The following CCAR1 variants were observed in gnomAD, a reference collection of about 807,000 sequenced individuals.
CCAR1 encodes the protein cell division cycle and apoptosis regulator protein 1.
Under a neutral mutation model 163.8 loss-of-function variants are expected in CCAR1, and 78 were observed. That is an observed-to-expected ratio of 0.48 (90% CI 0.40 to 0.57). The LOEUF (loss-of-function observed/expected upper bound fraction) is 0.57, where lower values mean the gene tolerates loss of function less well. Ranked by LOEUF, CCAR1 falls within the 20% of genes least tolerant of loss-of-function variation. CCAR1 has a pLI of 0.00. For synonymous variants in CCAR1, 443 were observed against 460.7 expected, an observed-to-expected ratio of 0.96 and a Z score of 0.49; for missense variants, 1,019 against 1,365.2, an observed-to-expected ratio of 0.75 and a Z score of 4.00.
At chr10:68,765,822 C>T in intron 16 of CCAR1, 66 bp from the exon 17 acceptor site, 2 of 1,035,202 alleles carry the variant, frequency 1.9e-6, no homozygotes, top group Middle Eastern at 4.2e-4. Flanking sequence ...AATATATATT[C>T]ATCTTGCACA....
chr10:68,764,719 A>G (rs541740375), intron 16 of CCAR1, among the ~76,000 whole-genome samples: 40 of 152,294 alleles, frequency 2.6e-4, no homozygotes, highest in African/African-American at 6.7e-4. Flanking sequence ...TACATGATCT[A>G]TCTACCAATC....
At chr10:68,727,086 T>TTTTTTTTTTTTTTTTTTG in intron 2 of CCAR1, among the ~76,000 whole-genome samples, 1 of 148,232 alleles carries the variant, frequency 6.7e-6, no homozygotes. Context: ...TTTTTTTTTT[T>TTTTTTTTTTTTTTTTTTG]TGACAGAGTC....
chr10:68,728,578 C>G (rs918387636), intron 2 of CCAR1, among the ~76,000 whole-genome samples: 1 of 152,098 alleles, frequency 6.6e-6, no homozygotes, highest in East Asian at 1.9e-4. Flanking sequence ...TGTCTGAGAG[C>G]GGAAGAGCTG....
chr10:68,771,521 G>C (rs540996165), intron 18 of CCAR1, 76 bp downstream of exon 18: 4 of 1,313,112 alleles, frequency 3.0e-6, no homozygotes, highest in Non-Finnish European at 3.2e-6. Flanking sequence ...ATTTCCATCA[G>C]AATATTAGAT....
chr10:68,725,497 AT>A (rs914745832), intron 2 of CCAR1, among the ~76,000 whole-genome samples: 48 of 148,124 alleles, frequency 3.2e-4, no homozygotes, highest in East Asian at 7.8e-4. Flanking sequence ...TTTAGGAAGA[AT>A]TTTTTTTTTT....
intron 19 of CCAR1, among the ~76,000 whole-genome samples, chr10:68,780,420 C>A (rs1439234072): frequency 1.3e-5 from 2 of 152,274 alleles, no homozygotes; most frequent in East Asian, 3.9e-4. Flanking sequence ...ATCTCAAACT[C>A]CTGGCCTTAA....
At chr10:68,749,422 AT>A (rs1321526740) in intron 9 of CCAR1, 101 bp from the exon 10 acceptor site, 1 of 1,253,172 alleles carries the variant, frequency 8.0e-7, no homozygotes, top group Non-Finnish European at 1.1e-6. Flanking sequence ...TTAAACAAAT[AT>A]ACTGTGGATT....
In CCAR1 at chr10:68,740,440, G is replaced by C. The variant is rs1357192140; in HGVS notation, c.292-189G>C. Among the ~76,000 whole-genome samples, 3 of 152,170 alleles carry C rather than the reference G, an allele frequency of 2.0e-5. No homozygotes were observed. The East Asian group carries it at 5.8e-4, about 29-fold the overall frequency. On this transcript the variant is annotated intron_variant, in intron 4 of 24. Coordinates refer to ENST00000265872, the MANE Select transcript of CCAR1 (RefSeq NM_018237.4). The stretch of plus-strand genomic sequence containing the variant: ...AATACTGTCACTTTGGGAGGCCAAG[G>C]CAAGAGGATTGCTTGAGCTCAGGAG...
In CCAR1 at chr10:68,786,536, A is replaced by C; in HGVS notation, c.2734-10A>C. The C allele has an allele frequency of 6.5e-7, 1 of 1,548,948 alleles. No individual in the cohort carries two copies. The highest frequency in any genetic ancestry group is 8.7e-7 in the Non-Finnish European group (1 of 1,150,704). On this transcript the variant is annotated splice_polypyrimidine_tract_variant and intron_variant, in intron 20 of 24. Transcript: ENST00000265872. Reference sequence around the variant, plus strand: ...TGAATACTATGTTTTCTACTTCTCCATTTTCTTAGGAAAAAGAAAAGACTC... The same window carrying C: ...TGAATACTATGTTTTCTACTTCTCCCTTTTCTTAGGAAAAAGAAAAGACTC...
At chr10:68,746,039 A>G (rs944784692) in intron 6 of CCAR1, among the ~76,000 whole-genome samples, 39 of 137,832 alleles carry the variant, frequency 2.8e-4, no homozygotes, top group Admixed American at 5.0e-4. Flanking sequence ...GTGGTGCAAT[A>G]TTGGCTCATC....
At chr10:68,763,474 G>A (rs534775527) in intron 16 of CCAR1, among the ~76,000 whole-genome samples, 29 of 151,760 alleles carry the variant, frequency 1.9e-4, no homozygotes, top group Non-Finnish European at 4.0e-4. Context: ...TTGAGACGGA[G>A]TCTCTCTCTG....
rs1196768658 is a variant in CCAR1, at chr10:68,787,835, CAAAA to C, written c.2881-91_2881-88del. 4.6e-6 allele frequency: 6 copies of C among 1,294,690 alleles called. No individual in the cohort carries two copies. The East Asian group carries it at 7.3e-5, about 16-fold the overall frequency. The allele number at this position is 1,294,690 out of a possible 1,614,324, so 80.2% of individuals were successfully genotyped here. A position where few individuals can be genotyped will look rare whatever the true frequency, so the allele number is the denominator to read the frequency against. On this transcript the variant is annotated intron_variant, in intron 21 of 24. Transcript: ENST00000265872. ...GGGCGACAAGAGCAAGACTCTTTCT[CAAAA>C]GAAAGTGAAAATTATATCATAGTTT...
At position 68,729,508 on chromosome 10, in the gene CCAR1, A is replaced by G. The variant is rs993194277; in HGVS notation, c.73+6931A>G. On this transcript the variant is annotated intron_variant, in intron 2 of 24. Transcript: ENST00000265872. ...ATGGTCTTGATCTCCTGACCTTGTG[A>G]TCCACCCGCCTCGGCCTCCCAAAGT... Among the ~76,000 whole-genome samples the G allele has an allele frequency of 3.3e-5, 5 of 151,468 alleles. No individual in the cohort carries two copies. The East Asian group carries it at 7.8e-4, about 24-fold the overall frequency.
chr10:68,784,861 A>G (rs911947808), intron 19 of CCAR1, among the ~76,000 whole-genome samples: 1 of 150,602 alleles, frequency 6.6e-6, no homozygotes, highest in South Asian at 2.1e-4. Context: ...TAATATATGT[A>G]CTTTTTTAAG....
chr10:68,723,568 G>A (rs1461582458), intron 2 of CCAR1, among the ~76,000 whole-genome samples: 2 of 152,020 alleles, frequency 1.3e-5, no homozygotes, highest in East Asian at 1.9e-4. Context: ...AAGTAAATGG[G>A]CCGGGCGCGG....
Position 68,766,097 on chromosome 10 carries a change from A to G in CCAR1, c.2298+18A>G, listed in dbSNP as rs781684061. Reference sequence around the variant, plus strand: ...CATTTGAGGTAATGTTTTAAGTTTGAAATAAGATCCATATAAGGTCCACAC... The same window carrying G: ...CATTTGAGGTAATGTTTTAAGTTTGGAATAAGATCCATATAAGGTCCACAC... On this transcript the variant is annotated intron_variant, in intron 17 of 24. Coordinates refer to ENST00000265872, the MANE Select transcript of CCAR1 (RefSeq NM_018237.4). 2.7e-6 allele frequency: 4 copies of G among 1,504,524 alleles called. No individual in the cohort carries two copies. The highest frequency in any genetic ancestry group is 3.7e-6 in the Non-Finnish European group (4 of 1,081,452). 93.2% of individuals were successfully genotyped at this position (1,504,524 alleles called of 1,614,324 possible). A position where few individuals can be genotyped will look rare whatever the true frequency, so the allele number is the denominator to read the frequency against.
Position 68,737,055 on chromosome 10 carries a change from C to T in CCAR1, c.246+7C>T. 1.9e-6 allele frequency: 3 copies of T among 1,600,986 alleles called. No individual in the cohort carries two copies. Among genetic ancestry groups the T allele is most frequent in the Non-Finnish European group, 2.6e-6 (3 of 1,169,668 alleles). On this transcript the variant is annotated splice_region_variant and intron_variant, in intron 3 of 24. Coordinates refer to ENST00000265872, the MANE Select transcript of CCAR1 (RefSeq NM_018237.4). ...AGCAGCTGCATTACAACAGGTAAAT[C>T]TTTAATATGTCTTATTATTTGATGT...
At chr10:68,724,837 A>G (rs1033442044) in intron 2 of CCAR1, among the ~76,000 whole-genome samples, 1 of 152,100 alleles carries the variant, frequency 6.6e-6, no homozygotes, top group African/African-American at 2.4e-5. Flanking sequence ...TAGACAAAGG[A>G]AAAAGATAGT....
chr10:68,758,503 A>AGTGTGTGTGTGTGTGT (rs71028777), intron 15 of CCAR1, among the ~76,000 whole-genome samples: 2 of 124,576 alleles, frequency 1.6e-5, no homozygotes, highest in African/African-American at 6.0e-5. Flanking sequence ...CATCCTGGGC[A>AGTGTGTGTGTGTGTGT]GTGTGTGTGT....
Sources: allele counts gnomAD v4.1 joint callset (sites outside exome capture counted in the v4.1 genomes callset), GRCh38; gene constraint gnomAD v4.1.1; transcripts MANE v1.5; gene names NCBI Gene and HGNC (gene_info 2026-07-23, HGNC 2026-07-21).